NCOA2: variants seen among roughly 807,000 people sequenced by gnomAD.
The protein encoded by NCOA2 is nuclear receptor coactivator 2.
In NCOA2, 21 loss-of-function variants were observed where a neutral mutation model predicts 145.1. That is an observed-to-expected ratio of 0.14 (90% CI 0.10 to 0.21). The LOEUF (loss-of-function observed/expected upper bound fraction) is 0.21, where lower values mean the gene tolerates loss of function less well. NCOA2 is among the 10% of genes least tolerant of loss of function. NCOA2 has a pLI of 1.00. For missense variants in NCOA2, 1,472 were observed against 1,837.6 expected, an observed-to-expected ratio of 0.80 and a Z score of 3.64; for synonymous variants, 619 against 637.5, an observed-to-expected ratio of 0.97 and a Z score of 0.44.
At chr8:70,417,841 G>A in the NCOA2 span, among the ~76,000 whole-genome samples, 1 of 152,122 alleles carries the variant, frequency 6.6e-6, no homozygotes, top group Admixed American at 6.5e-5. Context: ...TGTAGTTGCT[G>A]ACTAGTTTCC....
At chr8:70,289,678 T>C (rs1563727597) in intron 2 of NCOA2, among the ~76,000 whole-genome samples, 2 of 151,998 alleles carry the variant, frequency 1.3e-5, no homozygotes, top group African/African-American at 2.4e-5. Flanking sequence ...TTTTAAAAAG[T>C]AGTGAAAACA....
intron 1 of NCOA2, among the ~76,000 whole-genome samples, chr8:70,371,633 A>G (rs1811227398): frequency 6.6e-6 from 1 of 152,188 alleles, no homozygotes; most frequent in African/African-American, 2.4e-5. Context: ...TAGCAATGAA[A>G]ACTTTGATCT....
At chr8:70,275,467 TTC>T (rs1158629919) in intron 2 of NCOA2, among the ~76,000 whole-genome samples, 1 of 152,114 alleles carries the variant, frequency 6.6e-6, no homozygotes, top group Non-Finnish European at 1.5e-5. Context: ...ACCTGCTGAG[TTC>T]TTTTTTAAAA....
chr8:70,191,354 G>C (rs1057438959), intron 4 of NCOA2, among the ~76,000 whole-genome samples: 2 of 152,154 alleles, frequency 1.3e-5, no homozygotes, highest in African/African-American at 4.8e-5. Context: ...TGGTTAGCCA[G>C]GTAATGTACA....
rs79644930 is a variant in NCOA2, at chr8:70,292,820, C to T, written c.-20+3924G>A. Among the ~76,000 whole-genome samples the T allele has an allele frequency of 2.3e-3, 352 of 152,266 alleles. 3 individuals are homozygous for T. Among genetic ancestry groups the T allele is most frequent in the African/African-American group, 7.8e-3 (326 of 41,548 alleles). ...TAACCGGTTCACACTAATGTGTGCA[C>T]ATAAAAGGAAGAAAACAACAAGAAA... On this transcript the variant is annotated intron_variant, in intron 2 of 22. Transcript: ENST00000452400.
chr8:70,218,199 G>GT (rs34322124), intron 2 of NCOA2, among the ~76,000 whole-genome samples: 17,831 of 133,824 alleles, frequency 0.13, 1,706 homozygotes, highest in African/African-American at 0.25. Context: ...AGTGGAGTTA[G>GT]TTTTTTTTTT....
intron 1 of NCOA2, among the ~76,000 whole-genome samples, chr8:70,297,261 A>G (rs1827162713): frequency 1.3e-5 from 2 of 152,242 alleles, no homozygotes. Flanking sequence ...TTAATTTACC[A>G]TGATTTACAG....
In NCOA2 at chr8:70,220,008, CT is replaced by C. The variant is rs1820005605; in HGVS notation, c.-19-3245del. Among the ~76,000 whole-genome samples the C allele has an allele frequency of 2.0e-5, 3 of 152,274 alleles. No individual in the cohort carries two copies. In the South Asian group the frequency reaches 6.2e-4, roughly 32 times the overall value. Reference sequence around the variant, plus strand: ...ACTTTCTTCTAAGTTATATAAATTACTTTTTCTATACAAATGTACATTCTAG... The same window carrying C: ...ACTTTCTTCTAAGTTATATAAATTACTTTTCTATACAAATGTACATTCTAG... On this transcript the variant is annotated intron_variant, in intron 2 of 22. Transcript: ENST00000452400.
chr8:70,336,791 G>C (rs138965319), intron 1 of NCOA2, among the ~76,000 whole-genome samples: 143 of 152,224 alleles, frequency 9.4e-4, no homozygotes, highest in African/African-American at 3.1e-3. Flanking sequence ...ATTTGGGTGG[G>C]ACACAGTGCA....
chr8:70,431,462 A>G, the NCOA2 span, among the ~76,000 whole-genome samples: 2 of 152,230 alleles, frequency 1.3e-5, no homozygotes, highest in Admixed American at 6.5e-5. Context: ...TGTAGCACTA[A>G]TGCTACTTAT....
chr8:70,441,405 A>AGAT, the NCOA2 span, among the ~76,000 whole-genome samples: 1 of 149,926 alleles, frequency 6.7e-6, no homozygotes, highest in Non-Finnish European at 1.5e-5. Context: ...AAAGAAAAGA[A>AGAT]GAGAGAAAGA....
chr8:70,229,583 G>A (rs1820957728), intron 2 of NCOA2, among the ~76,000 whole-genome samples: 1 of 152,122 alleles, frequency 6.6e-6, no homozygotes, highest in Admixed American at 6.5e-5. Flanking sequence ...GATGACCATG[G>A]GATCCGGGGA....
intron 1 of NCOA2, among the ~76,000 whole-genome samples, chr8:70,328,373 A>G (rs769371804): frequency 2.0e-5 from 3 of 152,196 alleles, no homozygotes; most frequent in Non-Finnish European, 4.4e-5. Flanking sequence ...GTTTCTACGC[A>G]ATAAGTTTGT....
intron 4 of NCOA2, among the ~76,000 whole-genome samples, chr8:70,189,614 T>C (rs1253631343): frequency 1.3e-5 from 2 of 152,206 alleles, no homozygotes; most frequent in East Asian, 3.9e-4. Flanking sequence ...TAATTTTCAT[T>C]TGTAATTTTG....
At chr8:70,319,185 T>A (rs1416245554) in intron 1 of NCOA2, among the ~76,000 whole-genome samples, 1 of 152,182 alleles carries the variant, frequency 6.6e-6, no homozygotes, top group African/African-American at 2.4e-5. Flanking sequence ...CTGGCATCTG[T>A]ACATTTGTGT....
At chr8:70,207,091 A>G (rs1040641431) in intron 4 of NCOA2, among the ~76,000 whole-genome samples, 3 of 152,244 alleles carry the variant, frequency 2.0e-5, no homozygotes, top group Admixed American at 6.5e-5. Flanking sequence ...TTCCCCTGGC[A>G]AATAACCATA....
intron 6 of NCOA2, among the ~76,000 whole-genome samples, chr8:70,168,059 GA>G (rs1401377464): frequency 6.6e-6 from 1 of 152,114 alleles, no homozygotes; most frequent in African/African-American, 2.4e-5. Flanking sequence ...TGAGTCATAA[GA>G]AAACTAATAT....
At chr8:70,306,490 G>A (rs751207027) in intron 1 of NCOA2, among the ~76,000 whole-genome samples, 5 of 152,138 alleles carry the variant, frequency 3.3e-5, no homozygotes, top group African/African-American at 7.2e-5. Flanking sequence ...AAATAAAACT[G>A]GATAGATCTT....
chr8:70,204,746 C>T (rs542516036), intron 4 of NCOA2, among the ~76,000 whole-genome samples: 54 of 152,258 alleles, frequency 3.5e-4, no homozygotes, highest in African/African-American at 1.3e-3. Flanking sequence ...AATCCCAGCA[C>T]TTAGGGAGGA....
Sources: allele counts gnomAD v4.1 joint callset (sites outside exome capture counted in the v4.1 genomes callset), GRCh38; gene constraint gnomAD v4.1.1; transcripts MANE v1.5; gene names NCBI Gene and HGNC (gene_info 2026-07-23, HGNC 2026-07-21).